Variants in ZBTB38 observed in about 807,000 individuals in gnomAD.
The protein encoded by ZBTB38 is zinc finger and BTB domain-containing protein 38.
In ZBTB38, 20 loss-of-function variants were observed where a neutral mutation model predicts 76.8. That is an observed-to-expected ratio of 0.26 (90% CI 0.18 to 0.38). The LOEUF is 0.38. Ranked by LOEUF, ZBTB38 falls within the 10% of genes least tolerant of loss-of-function variation. ZBTB38 has a pLI of 1.00. For synonymous variants in ZBTB38, 504 were observed against 544.2 expected (o/e 0.93, Z 1.03); for missense variants, 1,082 against 1,482.3 (o/e 0.73, Z 4.43).
At chr3:141,421,781 T>C (rs940525480) in intron 5 of ZBTB38, among the ~76,000 whole-genome samples, 2 of 152,250 alleles carry the variant, frequency 1.3e-5, no homozygotes, top group African/African-American at 4.8e-5. Flanking sequence ...CTAAGCATCA[T>C]GCCCTCTGTG....
rs1378480249 is a variant in ZBTB38 at position 141,442,472 on chromosome 3, T to C, written c.84T>C (p.Ile28=). The change falls in exon 6 of 6, where the codon ATT becomes ATC. Residue 28 remains isoleucine (I), a synonymous_variant. Coordinates refer to ENST00000321464, the MANE Select transcript of ZBTB38 (RefSeq NM_001376113.1). The surrounding 1 kb of genome is among the most constrained non-coding windows in gnomAD (Gnocchi z 6.4). ...TVLSILNEQR[I]RGILCDVTII... ...TCTCCATCTTAAATGAGCAGCGCAT[T>C]CGGGGCATTTTATGCGATGTCACTA... is the stretch of plus-strand genomic sequence containing the variant. 1.2e-6 allele frequency: 2 copies of C among 1,614,200 alleles called. No homozygotes were observed. Among genetic ancestry groups the C allele is most frequent in the Non-Finnish European group, 1.7e-6 (2 of 1,180,044 alleles).
At chr3:141,382,983 A>G (rs1946415638) in intron 3 of ZBTB38, among the ~76,000 whole-genome samples, 1 of 152,226 alleles carries the variant, frequency 6.6e-6, no homozygotes, top group Non-Finnish European at 1.5e-5. Flanking sequence ...TAAGTCTGCT[A>G]TTTACTGTGT....
At chr3:141,404,467 C>T (rs1010545051) in intron 5 of ZBTB38, among the ~76,000 whole-genome samples, 14 of 152,088 alleles carry the variant, frequency 9.2e-5, no homozygotes, top group African/African-American at 2.9e-4. Context: ...GTGAGGTGAG[C>T]GCTCTGCTAG....
intron 2 of ZBTB38, among the ~76,000 whole-genome samples, 195 bp from the exon 3 acceptor site, chr3:141,381,230 T>A (rs935273187): frequency 1.6e-4 from 25 of 152,330 alleles, no homozygotes; most frequent in Middle Eastern, 3.4e-3. Flanking sequence ...AAGCAGCAAC[T>A]ATTCAGTTGC....
At chr3:141,363,772 C>T (rs1295614324), upstream of ZBTB38, among the ~76,000 whole-genome samples, 1 of 152,036 alleles carries the variant, frequency 6.6e-6, no homozygotes, top group Non-Finnish European at 1.5e-5. Context: ...AACCAGATAG[C>T]CACATGAAAA....
chr3:141,418,904 G>C (rs902013702), intron 5 of ZBTB38, among the ~76,000 whole-genome samples: 1 of 152,162 alleles, frequency 6.6e-6, no homozygotes, highest in Non-Finnish European at 1.5e-5. Context: ...GAATATTTAC[G>C]TGATCACCTG....
chr3:141,331,551 T>G (rs575721843), intron 1 of ZBTB38, among the ~76,000 whole-genome samples: 7 of 151,434 alleles, frequency 4.6e-5, no homozygotes, highest in South Asian at 4.2e-4. Context: ...TGTTTTTTGT[T>G]TTTTTTTTAT....
intron 2 of ZBTB38, among the ~76,000 whole-genome samples, chr3:141,376,666 G>A (rs550935809): frequency 2.0e-5 from 3 of 152,344 alleles, no homozygotes; most frequent in African/African-American, 7.2e-5. Flanking sequence ...ACTTTCTTGA[G>A]TGAAGCACCT....
intron 5 of ZBTB38, among the ~76,000 whole-genome samples, chr3:141,423,019 T>C (rs2075725400): frequency 6.6e-6 from 1 of 152,208 alleles, no homozygotes; most frequent in Non-Finnish European, 1.5e-5. Flanking sequence ...AAAAATTTGG[T>C]TTTGCATGTG....
rs764989621 is a variant in ZBTB38 at position 141,443,906 on chromosome 3, T to C, written c.1518T>C (p.His506=). ...CATTGGCTGAGTACAGGACAAGGCA[T>C]GAAATTTGGCATACGGGAGAAAGAC... ...VFALAEYRTR[H]EIWHTGERRY... The change falls in exon 6 of 6, where the codon CAT becomes CAC. Residue 506 remains histidine (H), a synonymous_variant. Coordinates refer to ENST00000321464, the MANE Select transcript of ZBTB38 (RefSeq NM_001376113.1). This position sits in a 1 kb window ranked among gnomAD's most constrained non-coding sequence, Gnocchi z 5.6. 1 of 1,614,126 alleles carries C rather than the reference T, an allele frequency of 6.2e-7. No homozygotes were observed.
chr3:141,444,962 G>A lies in ZBTB38; in HGVS notation c.2574G>A (p.Leu858=). The change falls in exon 6 of 6, where the codon TTG becomes TTA. Residue 858 remains leucine (L), a synonymous_variant. Transcript: ENST00000321464. The surrounding 1 kb of genome is among the most constrained non-coding windows in gnomAD (Gnocchi z 5.1). ...IVKRHILGSK[L]FYKRGRRPKY... ...AAAGGCACATTCTAGGATCTAAATT[G>A]TTTTATAAAAGAGGGAGAAGACCCA... The A allele has an allele frequency of 6.2e-7, 1 of 1,614,176 alleles. No homozygotes were observed. The highest frequency in any genetic ancestry group is 2.2e-5 in the East Asian group (1 of 44,882).
chr3:141,364,676 T>TAAAAAAAAAAAAAAAAAAAAAAA (rs59398877), upstream of ZBTB38, among the ~76,000 whole-genome samples: 1 of 43,440 alleles, frequency 2.3e-5, no homozygotes, highest in Non-Finnish European at 4.7e-5. Context: ...AAACTACATC[T>TAAAAAAAAAAAAAAAAAAAAAAA]AAAAAAAAAA....
At chr3:141,409,944 G>T (rs550359296) in intron 5 of ZBTB38, among the ~76,000 whole-genome samples, 1 of 152,344 alleles carries the variant, frequency 6.6e-6, no homozygotes, top group South Asian at 2.1e-4. Flanking sequence ...CTGGGTTGGG[G>T]TGAGAAGAAA....
At chr3:141,327,426 C>A (rs1045770448) in intron 1 of ZBTB38, among the ~76,000 whole-genome samples, 2 of 152,204 alleles carry the variant, frequency 1.3e-5, no homozygotes, top group Non-Finnish European at 2.9e-5. Flanking sequence ...CTTCCTCCCC[C>A]AAACCCATGA....
At chr3:141,380,791 G>T (rs1946090637) in intron 2 of ZBTB38, among the ~76,000 whole-genome samples, 1 of 152,306 alleles carries the variant, frequency 6.6e-6, no homozygotes, top group African/African-American at 2.4e-5. Flanking sequence ...GTGCATTGTT[G>T]TGGCCCTTTC....
In ZBTB38 at chr3:141,375,992, G is replaced by C. The variant is rs536439170; in HGVS notation, c.-234-5433G>C. 4.6e-5 allele frequency among the ~76,000 whole-genome samples: 7 copies of C among 152,280 alleles called. No individual in the cohort carries two copies. The South Asian group carries it at 1.5e-3, about 32-fold the overall frequency. ...GGAAACAATGGAAAAAACAATTATAGCAACAAAAAACCATTTTCTTTAAAC... is the reference window on the plus strand; with the variant it reads ...GGAAACAATGGAAAAAACAATTATACCAACAAAAAACCATTTTCTTTAAAC... On this transcript the variant is annotated intron_variant, in intron 2 of 5. Transcript: ENST00000321464.
chr3:141,332,875 G>T (rs1051959932), intron 1 of ZBTB38, among the ~76,000 whole-genome samples: 4 of 152,208 alleles, frequency 2.6e-5, no homozygotes, highest in African/African-American at 9.7e-5. Context: ...TAAACTAGGG[G>T]AAATTCATAC....
chr3:141,329,830 G>C (rs562080088), intron 1 of ZBTB38, among the ~76,000 whole-genome samples: 168 of 152,038 alleles, frequency 1.1e-3, no homozygotes, highest in Non-Finnish European at 1.8e-3. Flanking sequence ...CGTTGGAATA[G>C]AAAAATAATG....
At chr3:141,373,292 C>T (rs1017678267) in intron 2 of ZBTB38, among the ~76,000 whole-genome samples, 1 of 152,186 alleles carries the variant, frequency 6.6e-6, no homozygotes, top group African/African-American at 2.4e-5. Context: ...TTTAATTTCA[C>T]ATGGGAGTAA....
Sources: gnomAD v4.1 joint callset for allele counts (sites outside exome capture counted in the v4.1 genomes callset) on GRCh38, gnomAD v4.1.1 for gene constraint, Gnocchi (gnomAD v3.1) non-coding constraint, MANE v1.5 for transcripts, NCBI Gene and HGNC (gene_info 2026-07-23, HGNC 2026-07-21) for gene names.